Variants in SFXN5 observed in about 807,000 individuals in gnomAD.
SFXN5 encodes the protein sideroflexin 5.
In SFXN5, 43 loss-of-function variants were observed where a neutral mutation model predicts 50.2. The ratio of observed to expected loss-of-function variants is 0.86; its 90% CI spans 0.67 to 1.11. The LOEUF is 1.11. SFXN5 is among the 50% of genes least tolerant of loss of function. The pLI, the probability that SFXN5 is intolerant of heterozygous loss-of-function variation, is 0.00. For synonymous variants in SFXN5, 203 were observed against 185.8 expected, an observed-to-expected ratio of 1.09 and a Z score of -0.75; for missense variants, 463 against 454.1, an observed-to-expected ratio of 1.02 and a Z score of -0.18.
intron 9 of SFXN5, chr2:72,998,618 G>A (rs753110849): frequency 3.5e-5 from 11 of 314,904 alleles, no homozygotes; most frequent in Non-Finnish European, 5.9e-5. Context: ...CACCCCGCTC[G>A]CTCCAGCCAC....
intron 13 of SFXN5, among the ~76,000 whole-genome samples, chr2:72,946,184 G>A (rs768824889): frequency 2.0e-5 from 3 of 150,308 alleles, no homozygotes; most frequent in Non-Finnish European, 3.0e-5. Context: ...ACCTTTGCCC[G>A]TTAGTGTTCC....
At chr2:72,963,214 G>A (rs992540386) in intron 12 of SFXN5, among the ~76,000 whole-genome samples, 1 of 152,160 alleles carries the variant, frequency 6.6e-6, no homozygotes, top group East Asian at 1.9e-4. Context: ...GCACAGCCCC[G>A]AGGGTCCCTG....
In SFXN5 at chr2:73,058,582, G is replaced by T; in HGVS notation, c.117C>A (p.Gly39=). 1.2e-6 allele frequency: 2 copies of T among 1,614,074 alleles called. No individual in the cohort carries two copies. Among genetic ancestry groups the T allele is most frequent in the Non-Finnish European group, 1.7e-6 (2 of 1,179,984 alleles). The part of the protein sequence containing the change: ...KPRFQQTSFY[G]RFRHFLDIID... ...TGATATCCAAGAAGTGCCTGAAGCG[G>T]CCATAGAAGGACGTCTGAAGAAGAG... The change falls in exon 2 of 14, where the codon GGC becomes GGA. Residue 39 remains glycine, a synonymous_variant. Transcript: ENST00000272433.
intron 3 of SFXN5, among the ~76,000 whole-genome samples, chr2:73,036,367 G>A (rs1678981619): frequency 6.6e-6 from 1 of 152,098 alleles, no homozygotes; most frequent in African/African-American, 2.4e-5. Flanking sequence ...GGAGGGAGAG[G>A]GAGGATCTGC....
chr2:72,969,611 G>C (rs1295565861), intron 11 of SFXN5, among the ~76,000 whole-genome samples: 3 of 151,806 alleles, frequency 2.0e-5, no homozygotes, highest in Non-Finnish European at 4.4e-5. Flanking sequence ...GGCCAGGCTG[G>C]TCTCAAACTC....
intron 2 of SFXN5, among the ~76,000 whole-genome samples, chr2:73,046,647 C>A (rs1428835161): frequency 1.3e-5 from 2 of 151,748 alleles, no homozygotes; most frequent in African/African-American, 4.8e-5. Flanking sequence ...CACTGCACCC[C>A]AAAAACTATT....
intron 13 of SFXN5, among the ~76,000 whole-genome samples, chr2:72,959,432 G>A (rs1243371159): frequency 4.0e-5 from 6 of 151,838 alleles, no homozygotes; most frequent in South Asian, 2.1e-4. Context: ...CCCAGACCAC[G>A]TGCTGCTCAG....
At chr2:73,048,647 G>C (rs1489240183) in intron 2 of SFXN5, among the ~76,000 whole-genome samples, 2 of 152,186 alleles carry the variant, frequency 1.3e-5, no homozygotes, top group South Asian at 2.1e-4. Flanking sequence ...ACTACTACCA[G>C]TATCACATCA....
At chr2:73,011,058 C>T (rs1306366968) in intron 6 of SFXN5, among the ~76,000 whole-genome samples, 1 of 152,200 alleles carries the variant, frequency 6.6e-6, no homozygotes, top group Non-Finnish European at 1.5e-5. Context: ...TTGATAAATA[C>T]ATCCAAGAGC....
chr2:73,066,709 G>A (rs531464518), intron 1 of SFXN5, among the ~76,000 whole-genome samples: 2 of 151,248 alleles, frequency 1.3e-5, no homozygotes, highest in African/African-American at 2.4e-5. Context: ...ATGATATTAA[G>A]AATTAATGGG....
rs563417803 is a variant in SFXN5, at chr2:73,061,051, C to G, written c.103-2455G>C. Among the ~76,000 whole-genome samples, 8 of 149,760 alleles carry G rather than the reference C, an allele frequency of 5.3e-5. No individual in the cohort carries two copies. The East Asian group carries it at 1.7e-3, about 32-fold the overall frequency. ...ATATGCTGGACCGGGCGTGGTGGCTCATGCCTGTAATCCCAGCACTCTGGG... is the reference window on the plus strand; with the variant it reads ...ATATGCTGGACCGGGCGTGGTGGCTGATGCCTGTAATCCCAGCACTCTGGG... On this transcript the variant is annotated intron_variant, in intron 1 of 13. Coordinates refer to ENST00000272433, the MANE Select transcript of SFXN5 (RefSeq NM_144579.3).
chr2:73,047,275 T>TAA, intron 2 of SFXN5, among the ~76,000 whole-genome samples: 1 of 51,744 alleles, frequency 1.9e-5, no homozygotes, highest in Admixed American at 3.0e-4. Context: ...TATATATATA[T>TAA]ACACACATAT....
chr2:72,966,801 C>T (rs1257814647), intron 12 of SFXN5, among the ~76,000 whole-genome samples: 1 of 152,208 alleles, frequency 6.6e-6, no homozygotes, highest in African/African-American at 2.4e-5. Flanking sequence ...GCTGCCAGGC[C>T]CACAGTGCTT....
chr2:73,002,224 G>A (rs1435070107), intron 6 of SFXN5, among the ~76,000 whole-genome samples: 1 of 152,228 alleles, frequency 6.6e-6, no homozygotes, highest in Non-Finnish European at 1.5e-5. Flanking sequence ...TTGAATGAGT[G>A]AAGAAAGGAA....
rs553801088 is a variant in SFXN5 at position 72,961,627 on chromosome 2, C to T, written c.828-379G>A. On this transcript the variant is annotated intron_variant, in intron 12 of 13. Coordinates refer to ENST00000272433, the MANE Select transcript of SFXN5 (RefSeq NM_144579.3). This position sits in a 1 kb window ranked among gnomAD's most constrained non-coding sequence, Gnocchi z 4.4. ...CTGTTCCTGGGGAGACACATAGGGACGTAAGATCGCTCTCGAGGGCAGCAC... is the reference window on the plus strand; with the variant it reads ...CTGTTCCTGGGGAGACACATAGGGATGTAAGATCGCTCTCGAGGGCAGCAC... 1.3e-5 allele frequency among the ~76,000 whole-genome samples: 2 copies of T among 152,110 alleles called. No homozygotes were observed. The highest frequency in any genetic ancestry group is 2.9e-5 in the Non-Finnish European group (2 of 68,032).
chr2:73,034,010 C>T (rs1222402152), intron 3 of SFXN5, among the ~76,000 whole-genome samples: 1 of 152,166 alleles, frequency 6.6e-6, no homozygotes, highest in Non-Finnish European at 1.5e-5. Context: ...AACCCTGGAG[C>T]AGAGGAACAA....
At chr2:73,051,872 A>G (rs1371479601) in intron 2 of SFXN5, among the ~76,000 whole-genome samples, 1 of 152,138 alleles carries the variant, frequency 6.6e-6, no homozygotes, top group Non-Finnish European at 1.5e-5. Flanking sequence ...AAGAGACCCT[A>G]GCAGCTGTGG....
In SFXN5 at chr2:72,960,848, T is replaced by A. The variant is rs995331939; in HGVS notation, c.945+283A>T. On this transcript the variant is annotated intron_variant, in intron 13 of 13. Coordinates refer to ENST00000272433, the MANE Select transcript of SFXN5 (RefSeq NM_144579.3). The surrounding 1 kb of genome is among the most constrained non-coding windows in gnomAD (Gnocchi z 6.1). ...CCACGCTCCCAGTCCCAGTGAAATG[T>A]CACTTCCCTCTAGGCTCAGTTTGGT... 1.3e-5 allele frequency among the ~76,000 whole-genome samples: 2 copies of A among 152,192 alleles called. No individual in the cohort carries two copies. Among genetic ancestry groups the A allele is most frequent in the Non-Finnish European group, 2.9e-5 (2 of 68,030 alleles).
chr2:72,998,222 G>A (rs1288457904), intron 9 of SFXN5: 2 of 151,918 alleles, frequency 1.3e-5, no homozygotes, highest in East Asian at 1.9e-4. Context: ...ACAGCCAGAC[G>A]TAGGTACAGG....
Sources: allele counts gnomAD v4.1 joint callset (sites outside exome capture counted in the v4.1 genomes callset), GRCh38; gene constraint gnomAD v4.1.1; non-coding constraint Gnocchi (gnomAD v3.1); transcripts MANE v1.5; gene names NCBI Gene and HGNC (gene_info 2026-07-23, HGNC 2026-07-21).